TNFSF13B: variants seen among roughly 807,000 people sequenced by gnomAD.
TNFSF13B encodes tumor necrosis factor ligand superfamily member 13B.
A neutral mutation model predicts 29.1 loss-of-function variants in TNFSF13B; 8 were observed. The ratio of observed to expected loss-of-function variants is 0.27; its 90% CI spans 0.16 to 0.50. The LOEUF is 0.50. TNFSF13B is among the 20% of genes least tolerant of loss of function. The pLI, the probability that TNFSF13B is intolerant of heterozygous loss-of-function variation, is 0.98. For missense variants in TNFSF13B, 248 were observed against 334.9 expected (o/e 0.74, Z 2.03); for synonymous variants, 125 against 130.8 (o/e 0.96, Z 0.30).
intron 2 of TNFSF13B, among the ~76,000 whole-genome samples, chr13:108,277,369 G>A (rs1384867551): frequency 6.6e-6 from 1 of 152,028 alleles, no homozygotes; most frequent in Non-Finnish European, 1.5e-5. Context: ...ATCTATTTTC[G>A]CAGCAGTATG....
chr13:108,281,604 A>T (rs1316199998), intron 2 of TNFSF13B, among the ~76,000 whole-genome samples: 1 of 152,084 alleles, frequency 6.6e-6, no homozygotes, highest in East Asian at 1.9e-4. Context: ...CAGGAACATG[A>T]TTTTCCTCAA....
chr13:108,294,843 A>T (rs747579229), intron 3 of TNFSF13B, among the ~76,000 whole-genome samples: 1 of 145,186 alleles, frequency 6.9e-6, no homozygotes, highest in Non-Finnish European at 1.5e-5. Context: ...CCATCTAGTT[A>T]TGAATTTTGA....
At chr13:108,301,959 A>G (rs1881639283) in intron 3 of TNFSF13B, among the ~76,000 whole-genome samples, 1 of 152,186 alleles carries the variant, frequency 6.6e-6, no homozygotes, top group Admixed American at 6.5e-5. Context: ...TATTTGGAAA[A>G]AGTTTAAATA....
At chr13:108,288,955 G>A (rs563522014) in intron 3 of TNFSF13B, among the ~76,000 whole-genome samples, 7 of 152,180 alleles carry the variant, frequency 4.6e-5, no homozygotes, top group African/African-American at 9.6e-5. Flanking sequence ...TTTTTTCTGC[G>A]TGACTTTAAT....
Position 108,303,285 on chromosome 13 carries a change from T to C in TNFSF13B, c.514T>C (p.Phe172Leu). 1.2e-6 allele frequency: 2 copies of C among 1,613,334 alleles called. No individual in the cohort carries two copies. Among genetic ancestry groups the C allele is most frequent in the Non-Finnish European group, 1.7e-6 (2 of 1,179,626 alleles). ...SYTFVPWLLS[F>L]KRGSALEEKE... Reference sequence around the variant, plus strand: ...CACATTTGTTCCATGGCTTCTCAGCTTTAAAAGGGGAAGTGCCCTAGAAGA... The same window carrying C: ...CACATTTGTTCCATGGCTTCTCAGCCTTAAAAGGGGAAGTGCCCTAGAAGA... The change falls in exon 4 of 6, where the codon TTT (phenylalanine) becomes CTT (leucine). Residue 172 changes from phenylalanine (F) to leucine (L), a missense_variant. Around this residue, in one of 2 missense-constraint regions of TNFSF13B, gnomAD observed 62 missense variants for 138.6 expected, o/e 0.45. Coordinates refer to ENST00000375887, the MANE Select transcript of TNFSF13B (RefSeq NM_006573.5).
intron 2 of TNFSF13B, among the ~76,000 whole-genome samples, chr13:108,274,267 G>C (rs79312603): frequency 0.019 from 2,653 of 142,168 alleles, 64 homozygotes; most frequent in African/African-American, 0.063. Context: ...AGGATCAACT[G>C]TATTTGTTCA....
chr13:108,278,401 G>C (rs1277808551), intron 2 of TNFSF13B, among the ~76,000 whole-genome samples: 1 of 151,898 alleles, frequency 6.6e-6, no homozygotes, highest in Non-Finnish European at 1.5e-5. Context: ...ATGAGGACAA[G>C]GTAGAAATAG....
At chr13:108,281,948 C>T (rs74399908) in intron 2 of TNFSF13B, among the ~76,000 whole-genome samples, 4,164 of 151,964 alleles carry the variant, frequency 0.027, 59 homozygotes, top group Non-Finnish European at 0.033. Flanking sequence ...TTTTCTGCCA[C>T]TGATTATTTA....
chr13:108,286,246 C>A (rs536386661), intron 2 of TNFSF13B, among the ~76,000 whole-genome samples: 1 of 152,248 alleles, frequency 6.6e-6, no homozygotes, highest in African/African-American at 2.4e-5. Context: ...ACTTTCCGAG[C>A]CTTAGTTTCC....
Position 108,302,853 on chromosome 13 carries a change from A to T in TNFSF13B, c.482-400A>T, listed in dbSNP as rs1881664366. ...GGAAACATTTTGCCAAACTCTTCAG[A>T]TACTCTTTCCTCTCTGGGAATCAAA... On this transcript the variant is annotated intron_variant, in intron 3 of 5. Coordinates refer to ENST00000375887, the MANE Select transcript of TNFSF13B (RefSeq NM_006573.5). 4.0e-6 allele frequency: 4 copies of T among 987,914 alleles called. No individual in the cohort carries two copies. In the South Asian group the frequency reaches 1.4e-4, roughly 35 times the overall value. 61.2% of individuals were successfully genotyped at this position (987,914 alleles called of 1,614,324 possible).
Position 108,303,550 on chromosome 13 carries a change from C to T in TNFSF13B, c.691C>T (p.Arg231Ter). 2 of 1,613,602 alleles carry T rather than the reference C, an allele frequency of 1.2e-6. No homozygotes were observed. Among genetic ancestry groups the T allele is most frequent in the Non-Finnish European group, 1.7e-6 (2 of 1,179,778 alleles). The change falls in exon 5 of 6, where the codon CGA becomes TGA. Residue 231 changes from arginine to a stop codon, truncating the protein, a stop_gained. Transcript: ENST00000375887. LOFTEE classifies it high-confidence loss of function. ...TGAATTGAGTCTGGTGACTTTGTTT[C>T]GATGTATTCAAAATATGCCTGAAAC... is the stretch of plus-strand genomic sequence containing the variant. ...GDELSLVTLF[R>*]CIQNMPETLP...
intron 3 of TNFSF13B, among the ~76,000 whole-genome samples, chr13:108,293,560 A>C (rs1881384690): frequency 6.6e-6 from 1 of 152,176 alleles, no homozygotes; most frequent in Non-Finnish European, 1.5e-5. Context: ...CATGAACACA[A>C]GATATCTTCT....
At chr13:108,270,794 T>C (rs555339706) in intron 2 of TNFSF13B, among the ~76,000 whole-genome samples, 26 of 152,280 alleles carry the variant, frequency 1.7e-4, no homozygotes, top group African/African-American at 5.3e-4. Flanking sequence ...AAGCATTACA[T>C]GTTAGAATTA....
rs1881690149 is a variant in TNFSF13B, at chr13:108,303,617, T to A, written c.745+13T>A. 6 of 1,603,332 alleles carry A rather than the reference T, an allele frequency of 3.7e-6. No homozygotes were observed. Among genetic ancestry groups the A allele is most frequent in the Non-Finnish European group, 4.3e-6 (5 of 1,175,802 alleles). ...TGCTATTCAGCTGGTAAATATTAGTTCTCACACCCTGCTAATTGTGAAATG... is the reference window on the plus strand; with the variant it reads ...TGCTATTCAGCTGGTAAATATTAGTACTCACACCCTGCTAATTGTGAAATG... On this transcript the variant is annotated intron_variant, in intron 5 of 5. Coordinates refer to ENST00000375887, the MANE Select transcript of TNFSF13B (RefSeq NM_006573.5).
At chr13:108,273,062 G>C (rs770541845) in intron 2 of TNFSF13B, among the ~76,000 whole-genome samples, 20 of 151,754 alleles carry the variant, frequency 1.3e-4, no homozygotes, top group Non-Finnish European at 2.8e-4. Flanking sequence ...CTAACAAAGT[G>C]AAAAAAAATT....
chr13:108,274,166 T>C (rs1041513566), intron 2 of TNFSF13B, among the ~76,000 whole-genome samples: 32 of 152,084 alleles, frequency 2.1e-4, no homozygotes, highest in African/African-American at 7.5e-4. Flanking sequence ...TGGTCAACAG[T>C]GGGCTGTTAG....
chr13:108,302,485 T>A (rs565972039), intron 3 of TNFSF13B, among the ~76,000 whole-genome samples: 1 of 152,152 alleles, frequency 6.6e-6, no homozygotes, highest in South Asian at 2.1e-4. Context: ...TCTGCTCTCT[T>A]AATGGGTTTT....
intron 2 of TNFSF13B, among the ~76,000 whole-genome samples, chr13:108,285,374 CTGGGCAATTTCATCAT>C (rs778750637): frequency 6.6e-6 from 1 of 152,140 alleles, no homozygotes; most frequent in Non-Finnish European, 1.5e-5. Flanking sequence ...TTCTGCATCC[CTGGGCAATTTCATCAT>C]TGTGCAAACA....
intron 2 of TNFSF13B, among the ~76,000 whole-genome samples, chr13:108,285,425 G>A (rs1013130170): frequency 6.6e-6 from 1 of 152,152 alleles, no homozygotes; most frequent in Non-Finnish European, 1.5e-5. Context: ...CACAAACCTA[G>A]GTGGTGTAGC....
Sources: gnomAD v4.1 joint callset for allele counts (sites outside exome capture counted in the v4.1 genomes callset) on GRCh38, gnomAD v4.1.1 for gene constraint, gnomAD v4.1.1 regional missense constraint, MANE v1.5 for transcripts, NCBI Gene and HGNC (gene_info 2026-07-23, HGNC 2026-07-21) for gene names.